PIK3R1: variants seen among roughly 807,000 people sequenced by gnomAD.
PIK3R1 encodes the protein phosphoinositide-3-kinase regulatory subunit 1.
Under a neutral mutation model 98.0 loss-of-function variants are expected in PIK3R1, and 29 were observed. That is an observed-to-expected ratio of 0.30 (90% CI 0.22 to 0.40). PIK3R1 has a LOEUF of 0.40. PIK3R1 is among the 10% of genes least tolerant of loss of function. The pLI, the probability that PIK3R1 is intolerant of heterozygous loss-of-function variation, is 1.00. For missense variants in PIK3R1, 596 were observed against 872.7 expected (o/e 0.68, Z 3.99); for synonymous variants, 282 against 311.8 (o/e 0.90, Z 1.01).
At chr5:68,250,246 A>C (rs1745251782) in intron 2 of PIK3R1, among the ~76,000 whole-genome samples, 1 of 152,210 alleles carries the variant, frequency 6.6e-6, no homozygotes, top group Admixed American at 6.5e-5. Flanking sequence ...GAGCAGGAGC[A>C]GAGAGTGGGT....
At chr5:68,284,429 A>G (rs1746993691) in intron 7 of PIK3R1, among the ~76,000 whole-genome samples, 1 of 152,182 alleles carries the variant, frequency 6.6e-6, no homozygotes. Context: ...GTGCCTTTGT[A>G]TGAATATGTG....
intron 2 of PIK3R1, 69 bp from the exon 3 acceptor site, chr5:68,273,321 T>G: frequency 7.6e-7 from 1 of 1,323,498 alleles, no homozygotes; most frequent in Non-Finnish European, 1.1e-6. Flanking sequence ...ATTTTGTACG[T>G]CCTTCATTGT....
intron 4 of PIK3R1, among the ~76,000 whole-genome samples, chr5:68,277,692 G>T (rs1746637653): frequency 1.3e-5 from 2 of 152,094 alleles, no homozygotes; most frequent in Non-Finnish European, 2.9e-5. Flanking sequence ...CAAACACTTT[G>T]CAGTAAACTT....
intron 2 of PIK3R1, among the ~76,000 whole-genome samples, chr5:68,265,669 G>A (rs1050709616): frequency 6.6e-6 from 1 of 152,086 alleles, no homozygotes; most frequent in Non-Finnish European, 1.5e-5. Context: ...TGAGGGTCAG[G>A]GCGTCAACAT....
intron 4 of PIK3R1, among the ~76,000 whole-genome samples, chr5:68,278,260 T>C (rs1746662467): frequency 6.6e-6 from 1 of 152,080 alleles, no homozygotes; most frequent in Non-Finnish European, 1.5e-5. Flanking sequence ...TTTTCTGAGA[T>C]TGTCTGATAT....
Position 68,301,520 on chromosome 5 carries a change from AT to A in PIK3R1, c.*3920del, listed in dbSNP as rs1304781280. 6.6e-6 allele frequency: 1 copy of A among 150,682 alleles called. No homozygotes were observed. The highest frequency in any genetic ancestry group is 1.4e-5 in the Non-Finnish European group (1 of 69,888). 9.3% of individuals were successfully genotyped at this position (150,682 alleles called of 1,614,324 possible). A position where few individuals can be genotyped will look rare whatever the true frequency, so the allele number is the denominator to read the frequency against. ...CACATATATATATGTATTTAAAAAAATCAAAACAAAAAAAAACTCATTTATA... is the reference window on the plus strand; with the variant it reads ...CACATATATATATGTATTTAAAAAAACAAAACAAAAAAAAACTCATTTATA... On this transcript the variant is annotated 3_prime_UTR_variant, in exon 16 of 16. Coordinates refer to ENST00000521381, the MANE Select transcript of PIK3R1 (RefSeq NM_181523.3).
intron 7 of PIK3R1, among the ~76,000 whole-genome samples, chr5:68,285,715 G>A (rs1747050901): frequency 6.6e-6 from 1 of 152,186 alleles, no homozygotes; most frequent in South Asian, 2.1e-4. Context: ...ACTTTATTCT[G>A]CTAAGCAGTG....
chr5:68,226,108 G>C (rs750416421), intron 1 of PIK3R1, among the ~76,000 whole-genome samples, 182 bp from the exon 2 acceptor site: 1 of 151,904 alleles, frequency 6.6e-6, no homozygotes, highest in Non-Finnish European at 1.5e-5. Flanking sequence ...CTCTGCCCCC[G>C]CCCGGTGTTC....
intron 1 of PIK3R1, among the ~76,000 whole-genome samples, chr5:68,222,391 G>C (rs1744121876): frequency 6.6e-6 from 1 of 152,188 alleles, no homozygotes; most frequent in African/African-American, 2.4e-5. Context: ...CCCCTAAGGA[G>C]GAGCTGGGTT....
chr5:68,273,645 T>C (rs1197775086), intron 3 of PIK3R1, 163 bp downstream of exon 3: 7 of 643,086 alleles, frequency 1.1e-5, no homozygotes, highest in Admixed American at 5.5e-5. Flanking sequence ...CTGGGAAAAA[T>C]GTCTCAGTCT....
intron 1 of PIK3R1, among the ~76,000 whole-genome samples, chr5:68,220,400 C>T (rs1744053125): frequency 6.6e-6 from 1 of 152,216 alleles, no homozygotes; most frequent in Non-Finnish European, 1.5e-5. Flanking sequence ...TGGTCAGCCT[C>T]ATGGCCTTTT....
intron 5 of PIK3R1, 179 bp from the exon 6 acceptor site, chr5:68,280,349 A>T (rs1443139687): frequency 2.5e-5 from 15 of 606,338 alleles, no homozygotes; most frequent in Non-Finnish European, 4.1e-5. Context: ...TGAGATTTCT[A>T]CTTTCTCATA....
rs563085448 is a variant in PIK3R1, at chr5:68,252,829, T to C, written c.335-20561T>C. On this transcript the variant is annotated intron_variant, in intron 2 of 15. Coordinates refer to ENST00000521381, the MANE Select transcript of PIK3R1 (RefSeq NM_181523.3). ...ACCAATCCTAATGCTCTTAGCAACT[T>C]TGCTAAGTAAAACCCCGCTGCCATC... 1.8e-4 allele frequency among the ~76,000 whole-genome samples: 28 copies of C among 152,312 alleles called. 1 individual carries two copies. The South Asian group carries it at 5.4e-3, about 29-fold the overall frequency.
intron 1 of PIK3R1, among the ~76,000 whole-genome samples, chr5:68,218,319 A>C (rs138938435): frequency 1.7e-4 from 26 of 152,280 alleles, no homozygotes; most frequent in African/African-American, 5.8e-4. Flanking sequence ...AACTAACCCA[A>C]ATTTTGTACT....
chr5:68,244,523 G>GCCCC lies in PIK3R1; in HGVS notation c.334+17517_334+17520dup, dbSNP rs1190697417. Among the ~76,000 whole-genome samples, 6 of 7,998 alleles carry GCCCC rather than the reference G, an allele frequency of 7.5e-4. 2 individuals carry two copies. The highest frequency in any genetic ancestry group is 5.2e-3 in the African/African-American group (4 of 776). The allele number at this position is 7,998 out of a possible 152,430, so 5.2% of individuals were successfully genotyped here. A position where few individuals can be genotyped will look rare whatever the true frequency, so the allele number is the denominator to read the frequency against. On this transcript the variant is annotated intron_variant, in intron 2 of 15. Coordinates refer to ENST00000521381, the MANE Select transcript of PIK3R1 (RefSeq NM_181523.3). The stretch of plus-strand genomic sequence containing the variant: ...CCTATTTCTCTAGGACCGCCCCCCC[G>GCCCC]CCCCCCGCCGCCGCTTCAGAGAGCT...
At chr5:68,289,417 T>C (rs1160547712) in intron 7 of PIK3R1, among the ~76,000 whole-genome samples, 1 of 152,092 alleles carries the variant, frequency 6.6e-6, no homozygotes, top group African/African-American at 2.4e-5. Context: ...CTTTTTAATA[T>C]ATTTTATGAT....
intron 1 of PIK3R1, among the ~76,000 whole-genome samples, chr5:68,221,788 A>C (rs929258613): frequency 3.3e-5 from 5 of 152,228 alleles, no homozygotes; most frequent in Non-Finnish European, 7.3e-5. Flanking sequence ...CATCAGAAAC[A>C]ATTTTATTTT....
At position 68,293,417 on chromosome 5, in the gene PIK3R1, A is replaced by C; in HGVS notation, c.1233A>C (p.Glu411Asp). The C allele has an allele frequency of 6.2e-7, 1 of 1,613,662 alleles. No homozygotes were observed. The highest frequency in any genetic ancestry group is 8.5e-7 in the Non-Finnish European group (1 of 1,179,638). Residue 411 changes from glutamate to aspartate, a missense_variant, in exon 10 of 16, where the codon GAA (glutamate) becomes GAC (aspartate). Physicochemically the swap from Glu to Asp is conservative, Grantham distance 45. Coordinates refer to ENST00000521381, the MANE Select transcript of PIK3R1 (RefSeq NM_181523.3). ...AATTAATAAACCACTACCGGAATGA[A>C]TCTCTAGCTCAGTATAATCCCAAAT... is the stretch of plus-strand genomic sequence containing the variant. ...VVELINHYRN[E>D]SLAQYNPKLD...
At chr5:68,218,965 G>A (rs759342715) in intron 1 of PIK3R1, among the ~76,000 whole-genome samples, 9 of 151,976 alleles carry the variant, frequency 5.9e-5, no homozygotes, top group Admixed American at 1.3e-4. Flanking sequence ...CCTCCTTTAC[G>A]TACACCCTAA....
Sources: gnomAD v4.1 joint callset for allele counts (sites outside exome capture counted in the v4.1 genomes callset) on GRCh38, gnomAD v4.1.1 for gene constraint, MANE v1.5 for transcripts, NCBI Gene and HGNC (gene_info 2026-07-23, HGNC 2026-07-21) for gene names.